The following GUCY2C variants were observed in gnomAD, a reference collection of about 807,000 sequenced individuals.
The protein encoded by GUCY2C is guanylate cyclase 2C.
A neutral mutation model predicts 131.1 loss-of-function variants in GUCY2C; 118 were observed. The ratio of observed to expected loss-of-function variants is 0.90; its 90% CI spans 0.78 to 1.05. The LOEUF (loss-of-function observed/expected upper bound fraction) is 1.05. Among genes scored for constraint, GUCY2C ranks in the 50% least tolerant of loss-of-function variants. The pLI is 0.00. For synonymous variants in GUCY2C, 452 were observed against 457.8 expected, an observed-to-expected ratio of 0.99 and a Z score of 0.16; for missense variants, 1,161 against 1,304.4, an observed-to-expected ratio of 0.89 and a Z score of 1.69.
At chr12:14,677,942 G>C (rs1034927754) in intron 6 of GUCY2C, among the ~76,000 whole-genome samples, 1 of 151,922 alleles carries the variant, frequency 6.6e-6, no homozygotes, top group African/African-American at 2.4e-5. Context: ...TGGTATGTTT[G>C]AACTGCTGCA....
Position 14,676,949 on chromosome 12 carries a change from C to T in GUCY2C, c.853G>A (p.Val285Ile). 1 of 1,522,638 alleles carries T rather than the reference C, an allele frequency of 6.6e-7. No homozygotes were observed. The highest frequency in any genetic ancestry group is 1.2e-5 in the South Asian group (1 of 82,662). The allele number at this position is 1,522,638 out of a possible 1,614,324, so 94.3% of individuals were successfully genotyped here. The change falls in exon 7 of 27, where the codon GTC becomes ATC. Residue 285 changes from valine to isoleucine, a missense_variant. Transcript: ENST00000261170. ...LFNDQYFEDN[V>I]TAPDYMKNVL... is the part of the protein sequence containing the mutation. The stretch of plus-strand genomic sequence containing the variant: ...TTTTTCATATAGTCAGGGGCTGTGA[C>T]ATTGTCCTCAAAGTACTGGTCACTG...
At chr12:14,635,099 C>T (rs1947236340) in intron 19 of GUCY2C, among the ~76,000 whole-genome samples, 1 of 152,152 alleles carries the variant, frequency 6.6e-6, no homozygotes, top group Non-Finnish European at 1.5e-5. Flanking sequence ...ATTTAAACTG[C>T]ACGTTAGAAC....
In GUCY2C at chr12:14,613,940, C is replaced by T. The variant is rs1946702943; in HGVS notation, c.3048-649G>A. Among the ~76,000 whole-genome samples the T allele has an allele frequency of 6.6e-6, 1 of 152,096 alleles. No individual in the cohort carries two copies. The highest frequency in any genetic ancestry group is 2.1e-4 in the South Asian group (1 of 4,822). On this transcript the variant is annotated intron_variant, in intron 26 of 26. Transcript: ENST00000261170. The surrounding 1 kb of genome is among the most constrained non-coding windows in gnomAD (Gnocchi z 4.9). ...GAGTCACCTTTAGGAGAAGTGAAACCTGTCAGTTAACCCTGAAACTTTGTC... is the reference window on the plus strand; with the variant it reads ...GAGTCACCTTTAGGAGAAGTGAAACTTGTCAGTTAACCCTGAAACTTTGTC...
intron 26 of GUCY2C, chr12:14,614,652 T>G (rs1946719475): frequency 4.1e-6 from 2 of 490,342 alleles, no homozygotes; most frequent in Non-Finnish European, 7.1e-6. Context: ...TAAATACTTT[T>G]CTGTTTCATT....
chr12:14,679,179 A>G (rs1328805954), intron 6 of GUCY2C, among the ~76,000 whole-genome samples: 1 of 152,222 alleles, frequency 6.6e-6, no homozygotes, highest in Non-Finnish European at 1.5e-5. Context: ...CATTTTCTGG[A>G]CAAAGACTTT....
At chr12:14,648,911 A>G (rs1313363305) in intron 15 of GUCY2C, among the ~76,000 whole-genome samples, 3 of 152,194 alleles carry the variant, frequency 2.0e-5, no homozygotes, top group African/African-American at 7.2e-5. Flanking sequence ...TTAAGGAAGT[A>G]TTGTTTTATT....
rs935554974 is a variant in GUCY2C at position 14,662,436 on chromosome 12, G to T, written c.1283-1374C>A. ...CATACCTGTAATCCCAGCACTTTGG[G>T]GGGGCTGAGGGGCCGATCACCTGAG... On this transcript the variant is annotated intron_variant, in intron 10 of 26. Transcript: ENST00000261170. Among the ~76,000 whole-genome samples the T allele has an allele frequency of 3.9e-5, 6 of 152,142 alleles. No homozygotes were observed. In the South Asian group the frequency reaches 1.0e-3, roughly 26 times the overall value.
chr12:14,613,105 C>T lies in GUCY2C; in HGVS notation c.*12G>A. 1 of 1,607,458 alleles carries T rather than the reference C, an allele frequency of 6.2e-7. No individual in the cohort carries two copies. The highest frequency in any genetic ancestry group is 1.3e-5 in the African/African-American group (1 of 74,822). ...ATTTTAATTTGTGTGAGTCCTTATACCTCATTTAGGTTTAAAAATAGGTGC... is the reference window on the plus strand; with the variant it reads ...ATTTTAATTTGTGTGAGTCCTTATATCTCATTTAGGTTTAAAAATAGGTGC... On this transcript the variant is annotated 3_prime_UTR_variant, in exon 27 of 27. Transcript: ENST00000261170. This position sits in a 1 kb window ranked among gnomAD's most constrained non-coding sequence, Gnocchi z 4.9.
At chr12:14,653,738 T>C (rs1947711150) in intron 12 of GUCY2C, among the ~76,000 whole-genome samples, 1 of 152,218 alleles carries the variant, frequency 6.6e-6, no homozygotes. Flanking sequence ...TGTGTTATTA[T>C]CTTTGTTAAA....
intron 3 of GUCY2C, among the ~76,000 whole-genome samples, chr12:14,684,954 GGC>G (rs1948442927): frequency 6.6e-6 from 1 of 152,070 alleles, no homozygotes; most frequent in South Asian, 2.1e-4. Flanking sequence ...TGGCATTACA[GGC>G]TGGTGCCACT....
At chr12:14,637,091 T>C (rs1184698954) in intron 19 of GUCY2C, among the ~76,000 whole-genome samples, 1 of 144,022 alleles carries the variant, frequency 6.9e-6, no homozygotes, top group Middle Eastern at 3.8e-3. Context: ...AGACTCTGTC[T>C]CAAAAAAAAA....
intron 12 of GUCY2C, 41 bp downstream of exon 12, chr12:14,656,471 C>G (rs765147768): frequency 1.0e-6 from 1 of 980,910 alleles, no homozygotes; most frequent in South Asian, 1.4e-5. Context: ...CAAATACCTG[C>G]CAAATTGAAC....
Position 14,613,310 on chromosome 12 carries a change from GAGAAAAT to G in GUCY2C, c.3048-26_3048-20del, listed in dbSNP as rs762860817. ...ATTCTCCCTGGAAACAGAGTGGGAAGAGAAAATAGAACTTCTCAGCAATTCATACAGA... is the reference window on the plus strand; with the variant it reads ...ATTCTCCCTGGAAACAGAGTGGGAAGAGAACTTCTCAGCAATTCATACAGA... On this transcript the variant is annotated intron_variant, in intron 26 of 26. Coordinates refer to ENST00000261170, the MANE Select transcript of GUCY2C (RefSeq NM_004963.4). This position sits in a 1 kb window ranked among gnomAD's most constrained non-coding sequence, Gnocchi z 4.9. 6.3e-7 allele frequency: 1 copy of G among 1,596,128 alleles called. No homozygotes were observed. Among genetic ancestry groups the G allele is most frequent in the East Asian group, 2.2e-5 (1 of 44,774 alleles).
At chr12:14,636,947 G>C (rs1193823864) in intron 19 of GUCY2C, among the ~76,000 whole-genome samples, 2 of 151,966 alleles carry the variant, frequency 1.3e-5, no homozygotes, top group South Asian at 2.1e-4. Context: ...AAAAAAATTA[G>C]CTGGGCTTGG....
At chr12:14,672,572 T>TATATTATGTA (rs1948137081) in intron 9 of GUCY2C, among the ~76,000 whole-genome samples, 1 of 152,184 alleles carries the variant, frequency 6.6e-6, no homozygotes, top group Non-Finnish European at 1.5e-5. Flanking sequence ...GTCTTTTTGT[T>TATATTATGTA]ATATTATGTA....
chr12:14,676,890 G>A lies in GUCY2C; in HGVS notation c.912C>T (p.Ser304=). Reference sequence around the variant, plus strand: ...TCCTGGAGAAAGAGCTATTTAGAAGGGAATTCCCAGGAGACAGCGTCAGAA... The same window carrying A: ...TCCTGGAGAAAGAGCTATTTAGAAGAGAATTCCCAGGAGACAGCGTCAGAA... ...VLVLTLSPGN[S]LLNSSFSRNL... is the part of the protein sequence containing the mutation. Residue 304 remains serine, a synonymous_variant, in exon 7 of 27, where the codon TCC becomes TCT. Coordinates refer to ENST00000261170, the MANE Select transcript of GUCY2C (RefSeq NM_004963.4). 6.5e-7 allele frequency: 1 copy of A among 1,547,412 alleles called. No homozygotes were observed. The highest frequency in any genetic ancestry group is 8.8e-7 in the Non-Finnish European group (1 of 1,132,416).
rs910154697 is a variant in GUCY2C at position 14,681,399 on chromosome 12, C to T, written c.690G>A (p.Lys230=). The change falls in exon 5 of 27, where the codon AAG becomes AAA. Residue 230 remains lysine, a synonymous_variant. Transcript: ENST00000261170. ...GGTCCATTAAGATATCCTGAAACTC[C>T]TTATCTTGTCTTAACACCACCTTAA... The part of the protein sequence containing the change: ...LGFKVVLRQD[K]EFQDILMDHN... 6.2e-7 allele frequency: 1 copy of T among 1,611,914 alleles called. No homozygotes were observed. The highest frequency in any genetic ancestry group is 8.5e-7 in the Non-Finnish European group (1 of 1,178,136).
chr12:14,695,298 T>C (rs1025717046), intron 1 of GUCY2C, among the ~76,000 whole-genome samples: 5 of 152,178 alleles, frequency 3.3e-5, no homozygotes, highest in African/African-American at 1.2e-4. Flanking sequence ...CATGTAATGT[T>C]ATAAAATTTA....
intron 17 of GUCY2C, 31 bp downstream of exon 17, chr12:14,643,543 G>T (rs929176521): frequency 1.9e-6 from 3 of 1,608,566 alleles, no homozygotes; most frequent in Non-Finnish European, 1.7e-6. Context: ...AATCAGTTAG[G>T]AAACTAGTGA....
Sources: gnomAD v4.1 joint callset for allele counts (sites outside exome capture counted in the v4.1 genomes callset) on GRCh38, gnomAD v4.1.1 for gene constraint, Gnocchi (gnomAD v3.1) non-coding constraint, MANE v1.5 for transcripts, NCBI Gene and HGNC (gene_info 2026-07-23, HGNC 2026-07-21) for gene names.